The following STPG2 variants were observed in gnomAD, a reference collection of about 807,000 sequenced individuals.
The protein encoded by STPG2 is sperm-tail PG-rich repeat-containing protein 2.
STPG2 carries 56 observed loss-of-function variants against 54.2 expected under a neutral mutation model. The ratio of observed to expected loss-of-function variants is 1.03; its 90% CI spans 0.83 to 1.29. STPG2 has a LOEUF of 1.29. Ranked by LOEUF, STPG2 falls within the 50% of genes most tolerant of loss-of-function variation. The pLI is 0.00. For synonymous variants in STPG2, 200 were observed against 181.8 expected (o/e 1.10, Z -0.81); for missense variants, 596 against 544.9 (o/e 1.09, Z -0.93).
At chr4:97,781,098 A>G (rs1391506733) in intron 9 of STPG2, among the ~76,000 whole-genome samples, 5 of 152,160 alleles carry the variant, frequency 3.3e-5, no homozygotes, top group African/African-American at 1.2e-4. Context: ...GAACTGAAGG[A>G]GATAGAGACA....
chr4:97,911,894 C>G (rs1731692774), intron 8 of STPG2, among the ~76,000 whole-genome samples: 1 of 152,068 alleles, frequency 6.6e-6, no homozygotes, highest in Non-Finnish European at 1.5e-5. Flanking sequence ...TGGGTGACCT[C>G]CAACAAGAGT....
In STPG2 at chr4:97,468,359, C is replaced by A. The variant is rs567138313; in HGVS notation, c.462+244340G>T. Among the ~76,000 whole-genome samples, 67 of 152,068 alleles carry A rather than the reference C, an allele frequency of 4.4e-4. 1 individual carries two copies. Among genetic ancestry groups the A allele is most frequent in the Non-Finnish European group, 5.6e-4 (38 of 67,888 alleles). The stretch of plus-strand genomic sequence containing the variant: ...TTAATTAATCAAAAATAAGCACATT[C>A]TTTTCTTTTCTGATTGATTATCAAG... On this transcript the variant is annotated intron_variant, in intron 4 of 4. Transcript: ENST00000522676.
At chr4:97,478,965 G>C (rs1051233844) in intron 4 of STPG2, among the ~76,000 whole-genome samples, 10 of 148,938 alleles carry the variant, frequency 6.7e-5, no homozygotes, top group African/African-American at 2.5e-4. Context: ...TTGGATGATG[G>C]ATGCAAAGAC....
chr4:97,762,851 T>C (rs1405213035), intron 9 of STPG2, among the ~76,000 whole-genome samples: 1 of 152,174 alleles, frequency 6.6e-6, no homozygotes. Flanking sequence ...GAATAATCAG[T>C]TATAGTGTTT....
downstream of STPG2, among the ~76,000 whole-genome samples, chr4:97,555,613 T>C (rs963674584): frequency 1.3e-5 from 2 of 152,170 alleles, no homozygotes; most frequent in African/African-American, 2.4e-5. Context: ...TCAGAACAAT[T>C]ATTTATGGTT....
At chr4:97,649,081 A>G (rs1475460415) in intron 10 of STPG2, among the ~76,000 whole-genome samples, 1 of 152,138 alleles carries the variant, frequency 6.6e-6, no homozygotes, top group Non-Finnish European at 1.5e-5. Context: ...ATTGTCAGAA[A>G]ATGCTTTGAG....
At chr4:97,746,926 G>A (rs1050638947) in intron 9 of STPG2, among the ~76,000 whole-genome samples, 7 of 150,864 alleles carry the variant, frequency 4.6e-5, no homozygotes, top group Non-Finnish European at 1.0e-4. Flanking sequence ...GTAGACACTC[G>A]GTAAATATAT....
chr4:97,536,884 G>C (rs1026696722), intron 4 of STPG2, among the ~76,000 whole-genome samples: 2 of 152,136 alleles, frequency 1.3e-5, no homozygotes, highest in Admixed American at 6.5e-5. Flanking sequence ...AATGAAGGGT[G>C]TCCTTATTCA....
chr4:97,644,811 C>G (rs1265633328), intron 10 of STPG2, among the ~76,000 whole-genome samples: 1 of 152,000 alleles, frequency 6.6e-6, no homozygotes, highest in Non-Finnish European at 1.5e-5. Context: ...TTTTCTAAAG[C>G]CTCCTTACTT....
At chr4:97,762,174 C>G (rs1005924089) in intron 9 of STPG2, among the ~76,000 whole-genome samples, 5 of 152,148 alleles carry the variant, frequency 3.3e-5, no homozygotes, top group Admixed American at 2.6e-4. Context: ...GAGTTCTTTC[C>G]TTTTCCTTAT....
intron 8 of STPG2, among the ~76,000 whole-genome samples, chr4:97,922,535 G>C (rs943253846): frequency 1.3e-5 from 2 of 152,220 alleles, no homozygotes; most frequent in Non-Finnish European, 2.9e-5. Flanking sequence ...AAAGTTGTTT[G>C]TAGTGCTGTG....
chr4:97,999,455 C>A lies in STPG2; in HGVS notation c.613-18137G>T, dbSNP rs182875118. Among the ~76,000 whole-genome samples the A allele has an allele frequency of 3.6e-3, 545 of 151,274 alleles. 5 individuals are homozygous for A. Among genetic ancestry groups the A allele is most frequent in the African/African-American group, 0.013 (518 of 41,180 alleles). ...CAGTGGCTCATGCCTGTAATCCCAG[C>A]AGTTTGGGAGGCCGAGGTGGGCAGA... On this transcript the variant is annotated intron_variant, in intron 5 of 10. Coordinates refer to ENST00000295268, the MANE Select transcript of STPG2 (RefSeq NM_174952.3).
chr4:97,671,598 T>A (rs1001473498), intron 10 of STPG2, among the ~76,000 whole-genome samples: 15 of 152,186 alleles, frequency 9.9e-5, no homozygotes, highest in African/African-American at 3.6e-4. Flanking sequence ...AAATACATAA[T>A]TTGAAAACAT....
In STPG2 at chr4:97,588,244, G is replaced by A. The variant is rs1733049070; in HGVS notation, c.1321-29127C>T. On this transcript the variant is annotated intron_variant, in intron 10 of 10. Transcript: ENST00000295268. ...TAAATCAGAACTAGCTTCCTCAAAA[G>A]ACTGATAAATTTGATTAAAAAAATT... Among the ~76,000 whole-genome samples the A allele has an allele frequency of 4.6e-5, 7 of 151,654 alleles. No homozygotes were observed. In the South Asian group the frequency reaches 1.5e-3, roughly 32 times the overall value.
chr4:97,647,750 G>C lies in STPG2; in HGVS notation c.1320+64949C>G, dbSNP rs148125463. Reference sequence around the variant, plus strand: ...ATTTGTCCGCCAAGATGCTAGCACTGTCTGTAGGAATACCACCTTTCCTTT... The same window carrying C: ...ATTTGTCCGCCAAGATGCTAGCACTCTCTGTAGGAATACCACCTTTCCTTT... On this transcript the variant is annotated intron_variant, in intron 10 of 10. Transcript: ENST00000295268. 2.5e-3 allele frequency among the ~76,000 whole-genome samples: 379 copies of C among 152,262 alleles called. 1 individual carries two copies. The highest frequency in any genetic ancestry group is 4.8e-3 in the Non-Finnish European group (324 of 67,996).
chr4:98,124,154 T>C (rs1161018897), intron 3 of STPG2, among the ~76,000 whole-genome samples: 1 of 152,184 alleles, frequency 6.6e-6, no homozygotes, highest in Non-Finnish European at 1.5e-5. Context: ...GTGTCTTTTA[T>C]TGGGGCATTT....
chr4:97,869,251 T>C (rs939249435), intron 8 of STPG2, among the ~76,000 whole-genome samples: 3 of 151,774 alleles, frequency 2.0e-5, no homozygotes, highest in African/African-American at 4.8e-5. Flanking sequence ...AATTAGTTTA[T>C]AATTTTAAAA....
chr4:97,806,037 AAAG>A (rs1412685150), intron 9 of STPG2, among the ~76,000 whole-genome samples: 1 of 152,202 alleles, frequency 6.6e-6, no homozygotes, highest in Non-Finnish European at 1.5e-5. Context: ...GTTCTACCGA[AAAG>A]ATACATGCAC....
chr4:98,122,092 C>T (rs1173611506), intron 3 of STPG2, among the ~76,000 whole-genome samples: 1 of 49,610 alleles, frequency 2.0e-5, no homozygotes, highest in African/African-American at 9.0e-5. Flanking sequence ...GCTTAAGAGG[C>T]TTTTGGGCTG....
Sources: allele counts gnomAD v4.1 joint callset (sites outside exome capture counted in the v4.1 genomes callset), GRCh38; gene constraint gnomAD v4.1.1; transcripts MANE v1.5; gene names NCBI Gene and HGNC (gene_info 2026-07-23, HGNC 2026-07-21).